The following TEX26 variants were observed in gnomAD, a reference collection of about 807,000 sequenced individuals.
TEX26 encodes testis-expressed protein 26.
Under a neutral mutation model 35.3 loss-of-function variants are expected in TEX26, and 34 were observed. The observed-to-expected ratio is 0.96, with a 90% confidence interval of 0.73 to 1.28. The LOEUF (loss-of-function observed/expected upper bound fraction) is 1.28, where lower values mean the gene tolerates loss of function less well. Ranked by LOEUF, TEX26 falls within the 50% of genes most tolerant of loss-of-function variation. The pLI, the probability that TEX26 is intolerant of heterozygous loss-of-function variation, is 0.00. For synonymous variants in TEX26, 136 were observed against 111.8 expected, an observed-to-expected ratio of 1.22 and a Z score of -1.36; for missense variants, 371 against 330.1, an observed-to-expected ratio of 1.12 and a Z score of -0.96.
In TEX26 at chr13:30,975,001, A is replaced by C; in HGVS notation, c.*94A>C. The C allele has an allele frequency of 1.2e-6, 1 of 819,240 alleles. No individual in the cohort carries two copies. Among genetic ancestry groups the C allele is most frequent in the Non-Finnish European group, 1.9e-6 (1 of 533,098 alleles). The allele number at this position is 819,240 out of a possible 1,614,324, so 50.7% of individuals were successfully genotyped here. On this transcript the variant is annotated 3_prime_UTR_variant, in exon 7 of 7. Transcript: ENST00000380473. ...TTCTCAATTATCAAGGAAAAATAAG[A>C]TGCAAATAGCTTCAAGTATGATGTG...
intron 4 of TEX26, among the ~76,000 whole-genome samples, chr13:30,958,396 G>T (rs573420985): frequency 2.0e-5 from 3 of 152,180 alleles, no homozygotes; most frequent in Admixed American, 6.5e-5. Flanking sequence ...AGCCACACAC[G>T]CTGGTGCATG....
At chr13:30,971,425 G>A (rs907434105) in intron 6 of TEX26, among the ~76,000 whole-genome samples, 2 of 152,154 alleles carry the variant, frequency 1.3e-5, no homozygotes, top group African/African-American at 4.8e-5. Context: ...TTTTAAAAGA[G>A]AGAGAGAAAG....
intron 4 of TEX26, among the ~76,000 whole-genome samples, chr13:30,965,516 G>C (rs1333990904): frequency 1.3e-5 from 2 of 152,164 alleles, no homozygotes; most frequent in Non-Finnish European, 2.9e-5. Context: ...TCTGAACTAA[G>C]GCTTTGTAGC....
chr13:30,956,574 A>G (rs942317261), intron 3 of TEX26, among the ~76,000 whole-genome samples: 1 of 152,186 alleles, frequency 6.6e-6, no homozygotes, highest in Non-Finnish European at 1.5e-5. Context: ...TAGAATTAAC[A>G]TGGGTTATTT....
chr13:30,939,841 C>G lies in TEX26; in HGVS notation c.146+63C>G, dbSNP rs567550555. The G allele has an allele frequency of 6.3e-6, 9 of 1,436,380 alleles. No individual in the cohort carries two copies. In the East Asian group the frequency reaches 2.1e-4, roughly 33 times the overall value. 89.0% of individuals were successfully genotyped at this position (1,436,380 alleles called of 1,614,324 possible). The stretch of plus-strand genomic sequence containing the variant: ...TAATTTGTTGACTTGTCTTTTATGA[C>G]TCAGAATCCAAACACATAGACAGTA... On this transcript the variant is annotated intron_variant, in intron 2 of 6. Transcript: ENST00000380473.
chr13:30,961,099 G>A (rs1954323043), intron 4 of TEX26, among the ~76,000 whole-genome samples: 1 of 152,194 alleles, frequency 6.6e-6, no homozygotes, highest in Non-Finnish European at 1.5e-5. Context: ...CTGGCATTCT[G>A]AGAGCAGGAG....
intron 2 of TEX26, among the ~76,000 whole-genome samples, chr13:30,948,566 T>C (rs1203092344): frequency 6.6e-6 from 1 of 152,216 alleles, no homozygotes; most frequent in Non-Finnish European, 1.5e-5. Context: ...TCATATCCTT[T>C]GCCCACTTGT....
chr13:30,943,914 A>G (rs916010839), intron 2 of TEX26, among the ~76,000 whole-genome samples: 1 of 151,836 alleles, frequency 6.6e-6, no homozygotes, highest in Non-Finnish European at 1.5e-5. Flanking sequence ...ATTGGTCTGT[A>G]GTTTTCTACA....
chr13:30,965,668 A>T (rs76803000), intron 4 of TEX26, among the ~76,000 whole-genome samples: 1,848 of 152,316 alleles, frequency 0.012, 29 homozygotes, highest in African/African-American at 0.042. Context: ...AAGAAATAAC[A>T]GTGGTGCTAT....
intron 6 of TEX26, among the ~76,000 whole-genome samples, chr13:30,970,132 T>C (rs1286624051): frequency 6.6e-6 from 1 of 151,334 alleles, no homozygotes; most frequent in African/African-American, 2.4e-5. Context: ...ACTGAAAACC[T>C]ACTGTAGTCA....
intron 2 of TEX26, among the ~76,000 whole-genome samples, chr13:30,952,168 T>C (rs1340085987): frequency 6.6e-6 from 1 of 152,080 alleles, no homozygotes; most frequent in Admixed American, 6.5e-5. Context: ...TGATGATGCA[T>C]GTATTCACTC....
At chr13:30,936,063 T>G (rs546485431) in intron 1 of TEX26, among the ~76,000 whole-genome samples, 1 of 152,324 alleles carries the variant, frequency 6.6e-6, no homozygotes, top group East Asian at 1.9e-4. Flanking sequence ...TAAAGTAAGA[T>G]TCACAGGTTT....
chr13:30,951,060 C>T (rs574206553), intron 2 of TEX26, among the ~76,000 whole-genome samples: 78 of 152,206 alleles, frequency 5.1e-4, no homozygotes, highest in African/African-American at 1.8e-3. Context: ...TGGTGGTCCA[C>T]GGCTGTAATC....
intron 1 of TEX26, among the ~76,000 whole-genome samples, chr13:30,935,598 T>A (rs1390910949): frequency 6.6e-6 from 1 of 152,310 alleles, no homozygotes; most frequent in East Asian, 1.9e-4. Flanking sequence ...GAGTACCCTC[T>A]CGACTGCCGA....
intron 5 of TEX26, among the ~76,000 whole-genome samples, chr13:30,967,709 G>T (rs74677504): frequency 0.031 from 4,651 of 152,140 alleles, 260 homozygotes; most frequent in African/African-American, 0.11. Flanking sequence ...AAAAGGATTG[G>T]GTAGGTTGTG....
At chr13:30,943,642 G>C (rs572298049) in intron 2 of TEX26, among the ~76,000 whole-genome samples, 3 of 151,914 alleles carry the variant, frequency 2.0e-5, no homozygotes, top group Admixed American at 2.0e-4. Context: ...ATATTCCTTA[G>C]ACGTCTAGTT....
At chr13:30,959,691 A>T (rs1169899728) in intron 4 of TEX26, among the ~76,000 whole-genome samples, 1 of 152,120 alleles carries the variant, frequency 6.6e-6, no homozygotes, top group African/African-American at 2.4e-5. Context: ...TTTGTTGTAC[A>T]CTTACCAAAA....
At chr13:30,974,237 G>T (rs1430330202) in intron 6 of TEX26, among the ~76,000 whole-genome samples, 1 of 150,054 alleles carries the variant, frequency 6.7e-6, no homozygotes, top group Non-Finnish European at 1.5e-5. Context: ...GGCCAGGGAG[G>T]GGGAGTTGAA....
intron 3 of TEX26, among the ~76,000 whole-genome samples, chr13:30,955,352 G>A (rs1954087496): frequency 6.6e-6 from 1 of 152,202 alleles, no homozygotes; most frequent in Non-Finnish European, 1.5e-5. Flanking sequence ...AGGGGACAGA[G>A]GAACTTGTTA....
Sources: allele counts gnomAD v4.1 joint callset (sites outside exome capture counted in the v4.1 genomes callset), GRCh38; gene constraint gnomAD v4.1.1; transcripts MANE v1.5; gene names NCBI Gene and HGNC (gene_info 2026-07-23, HGNC 2026-07-21).